Variants in MYO18B observed in about 807,000 individuals in gnomAD.
MYO18B encodes unconventional myosin-XVIIIb.
A neutral mutation model predicts 273.0 loss-of-function variants in MYO18B; 204 were observed. That is an observed-to-expected ratio of 0.75 (90% CI 0.67 to 0.84). The LOEUF (loss-of-function observed/expected upper bound fraction) is 0.84, where lower values mean the gene tolerates loss of function less well. Among genes scored for constraint, MYO18B ranks in the 40% least tolerant of loss-of-function variants. The pLI is 0.00. For synonymous variants in MYO18B, 1,330 were observed against 1,305.7 expected (o/e 1.02, Z -0.40); for missense variants, 3,212 against 3,287.6 (o/e 0.98, Z 0.56).
At chr22:25,851,136 TC>T (rs1819639157) in intron 20 of MYO18B, among the ~76,000 whole-genome samples, 1 of 152,160 alleles carries the variant, frequency 6.6e-6, no homozygotes, top group Non-Finnish European at 1.5e-5. Flanking sequence ...ATCAGGCATC[TC>T]CCCTGCATGA....
intron 11 of MYO18B, among the ~76,000 whole-genome samples, chr22:25,792,492 C>CTTTTTT (rs56047312): frequency 3.1e-5 from 1 of 32,402 alleles, no homozygotes; most frequent in African/African-American, 1.2e-4. Flanking sequence ...TTTTTTTTTT[C>CTTTTTT]TTTTCTTTTT....
intron 39 of MYO18B, among the ~76,000 whole-genome samples, chr22:25,988,237 C>T (rs891119061): frequency 8.6e-5 from 13 of 151,916 alleles, no homozygotes; most frequent in African/African-American, 2.4e-4. Context: ...TGGGGCACTG[C>T]GTTTGTTTAG....
At chr22:26,003,454 T>C (rs1934158630) in intron 41 of MYO18B, 145 bp downstream of exon 41, 1 of 749,356 alleles carries the variant, frequency 1.3e-6, no homozygotes, top group Non-Finnish European at 2.3e-6. Context: ...TCATAACCTA[T>C]AGCACTAGGA....
intron 42 of MYO18B, among the ~76,000 whole-genome samples, chr22:26,009,446 T>C (rs994965469): frequency 1.3e-5 from 2 of 152,342 alleles, no homozygotes; most frequent in African/African-American, 4.8e-5. Flanking sequence ...ATTGAGTTAC[T>C]GTTTTTCCTT....
chr22:26,048,708 C>A, the MYO18B span, among the ~76,000 whole-genome samples: 1 of 151,760 alleles, frequency 6.6e-6, no homozygotes, highest in African/African-American at 2.4e-5. Context: ...TAAAAAAAAA[C>A]AAAACAAAAC....
chr22:25,921,703 TGTGTGTGTG>T (rs974830680), intron 34 of MYO18B, among the ~76,000 whole-genome samples: 9 of 6,234 alleles, frequency 1.4e-3, no homozygotes, highest in African/African-American at 6.6e-3. Context: ...GTGTGCCTGT[TGTGTGTGTG>T]TGTGTGTGTG....
At chr22:26,013,754 C>G (rs1271308210) in intron 42 of MYO18B, among the ~76,000 whole-genome samples, 1 of 152,158 alleles carries the variant, frequency 6.6e-6, no homozygotes, top group Non-Finnish European at 1.5e-5. Context: ...CTCACATTTC[C>G]CTGGTAAATA....
the MYO18B span, among the ~76,000 whole-genome samples, chr22:26,036,610 A>G: frequency 6.6e-6 from 1 of 152,150 alleles, no homozygotes; most frequent in Non-Finnish European, 1.5e-5. Context: ...TGGCTTATTT[A>G]ATCCTCTTTC....
At position 25,972,112 on chromosome 22, in the gene MYO18B, C is replaced by CA. The variant is rs796261961; in HGVS notation, c.6156+16759dup. Among the ~76,000 whole-genome samples the CA allele has an allele frequency of 9.6e-3, 1,252 of 130,582 alleles. 11 individuals carry two copies. Among genetic ancestry groups the CA allele is most frequent in the Middle Eastern group, 0.082 (19 of 232 alleles). 85.7% of individuals were successfully genotyped at this position (130,582 alleles called of 152,430 possible). A position where few individuals can be genotyped will look rare whatever the true frequency, so the allele number is the denominator to read the frequency against. ...CCTGGGTGACAGAGTGAGACTGTCTCAAAAAAAAAAATACATACATATATA... is the reference window on the plus strand; with the variant it reads ...CCTGGGTGACAGAGTGAGACTGTCTCAAAAAAAAAAAATACATACATATATA... On this transcript the variant is annotated intron_variant, in intron 39 of 43. Transcript: ENST00000335473.
At position 25,826,476 on chromosome 22, in the gene MYO18B, G is replaced by T. The variant is rs984469268; in HGVS notation, c.2763G>T (p.Ala921=). 52 of 1,613,644 alleles carry T rather than the reference G, an allele frequency of 3.2e-5. No homozygotes were observed. The highest frequency in any genetic ancestry group is 4.3e-5 in the Non-Finnish European group (51 of 1,179,732). The change falls in exon 14 of 44, where the codon GCG becomes GCT. Residue 921 remains alanine, a synonymous_variant. Transcript: ENST00000335473. The part of the protein sequence containing the change: ...MASGLYQELF[A]AVVSLINRSF... ...CGGGCCTGTACCAGGAACTCTTTGCGGCTGTGGTCTCACTCATCAACAGGT... is the reference window on the plus strand; with the variant it reads ...CGGGCCTGTACCAGGAACTCTTTGCTGCTGTGGTCTCACTCATCAACAGGT...
At position 25,773,236 on chromosome 22, in the gene MYO18B, G is replaced by A. The variant is rs78365988; in HGVS notation, c.1869+726G>A. ...GATTGAGGGTCTCCTACCGGGCCAC[G>A]CACAAAGAACATCAGGGAAGGTGCC... On this transcript the variant is annotated intron_variant, in intron 7 of 43. Coordinates refer to ENST00000335473, the MANE Select transcript of MYO18B (RefSeq NM_032608.7). 0.042 allele frequency among the ~76,000 whole-genome samples: 6,348 copies of A among 152,164 alleles called. 695 individuals are homozygous for A. In the East Asian group the frequency reaches 0.42, roughly 10 times the overall value.
chr22:25,832,944 C>G lies in MYO18B; in HGVS notation c.3007C>G (p.Pro1003Ala). The change falls in exon 16 of 44, where the codon CCG (proline) becomes GCG (alanine). Residue 1003 changes from proline to alanine, a missense_variant. Pro to Ala is a conservative substitution (Grantham distance 27). Transcript: ENST00000335473. ...EEGVPVQFDL[P>A]DPSPGTTVAV... The stretch of plus-strand genomic sequence containing the variant: ...AGGTGTTCCTGTGCAGTTTGACCTC[C>G]CGGACCCCTCCCCAGGGACCACCGT... 1.2e-6 allele frequency: 2 copies of G among 1,613,822 alleles called. No homozygotes were observed. Among genetic ancestry groups the G allele is most frequent in the Non-Finnish European group, 1.7e-6 (2 of 1,179,860 alleles).
chr22:26,048,509 G>T, the MYO18B span, among the ~76,000 whole-genome samples: 5 of 152,088 alleles, frequency 3.3e-5, no homozygotes, highest in Non-Finnish European at 5.9e-5. Flanking sequence ...CTGCCTGTGG[G>T]GTCTTTCTCC....
chr22:25,936,465 A>C (rs2092579769), intron 34 of MYO18B, among the ~76,000 whole-genome samples: 1 of 152,220 alleles, frequency 6.6e-6, no homozygotes, highest in Non-Finnish European at 1.5e-5. Context: ...CTGTGGACTT[A>C]AAAGAGACCT....
intron 25 of MYO18B, among the ~76,000 whole-genome samples, chr22:25,887,670 C>T (rs2091541703): frequency 6.6e-6 from 1 of 152,088 alleles, no homozygotes; most frequent in African/African-American, 2.4e-5. Flanking sequence ...GTGCCTGCTC[C>T]TCACCTCCAT....
In MYO18B at chr22:25,851,528, T is replaced by C. The variant is rs753666088; in HGVS notation, c.3834T>C (p.Ala1278=). ...GCCGGCAATTCCAGGTGCTGGACGC[T>C]CCACTCCTGAAGAAGCTCATGTCGA... ...RFRRQFQVLD[A]PLLKKLMSTS... The change falls in exon 21 of 44, where the codon GCT becomes GCC. Residue 1278 remains alanine (A), a synonymous_variant. Coordinates refer to ENST00000335473, the MANE Select transcript of MYO18B (RefSeq NM_032608.7). 1.9e-6 allele frequency: 3 copies of C among 1,561,396 alleles called. No individual in the cohort carries two copies. Among genetic ancestry groups the C allele is most frequent in the Non-Finnish European group, 2.6e-6 (3 of 1,152,426 alleles).
At chr22:25,967,461 G>A (rs956763181) in intron 39 of MYO18B, among the ~76,000 whole-genome samples, 1 of 152,166 alleles carries the variant, frequency 6.6e-6, no homozygotes, top group Non-Finnish European at 1.5e-5. Context: ...CATTTCCAAA[G>A]TATAATTCGG....
chr22:25,931,554 G>A (rs2092501002), intron 34 of MYO18B, among the ~76,000 whole-genome samples: 1 of 152,200 alleles, frequency 6.6e-6, no homozygotes, highest in Non-Finnish European at 1.5e-5. Context: ...TTGAACCAGT[G>A]TGTGGGAGTG....
At chr22:25,763,129 TCTC>T (rs2086383806) in intron 2 of MYO18B, 99 bp from the exon 3 acceptor site, 1 of 1,395,522 alleles carries the variant, frequency 7.2e-7, no homozygotes, top group Admixed American at 1.7e-5. Flanking sequence ...GTCATGTATG[TCTC>T]CTCCGCCCCC....
Sources: gnomAD v4.1 joint callset for allele counts (sites outside exome capture counted in the v4.1 genomes callset) on GRCh38, gnomAD v4.1.1 for gene constraint, MANE v1.5 for transcripts, NCBI Gene and HGNC (gene_info 2026-07-23, HGNC 2026-07-21) for gene names.